The following ZNF469 variants were observed in gnomAD, a reference collection of about 807,000 sequenced individuals.
ZNF469 encodes zinc finger protein 469.
A neutral mutation model predicts 1.0 loss-of-function variants in ZNF469; 1 was observed. The ratio of observed to expected loss-of-function variants is 1.00; its 90% CI spans 0.35 to 4.73. ZNF469 has a LOEUF of 4.73. Among genes scored for constraint, ZNF469 ranks in the 30% most tolerant of loss-of-function variants. The pLI is 0.16. For missense variants in ZNF469, 6,100 were observed against 5,356.3 expected (o/e 1.14, Z -4.33); for synonymous variants, 2,703 against 2,363.4 (o/e 1.14, Z -4.17).
At chr16:88,202,883 G>A in the ZNF469 span, among the ~76,000 whole-genome samples, 4 of 152,272 alleles carry the variant, frequency 2.6e-5, no homozygotes, top group South Asian at 2.1e-4. Flanking sequence ...TGAGGGCCTC[G>A]TGGTGGCCTT....
the ZNF469 span, among the ~76,000 whole-genome samples, chr16:88,345,229 C>A: frequency 1.3e-4 from 20 of 152,208 alleles, no homozygotes; most frequent in African/African-American, 4.8e-4. Context: ...AAAAGGAGAC[C>A]CTGGCATGGC....
chr16:88,157,863 G>C, the ZNF469 span, among the ~76,000 whole-genome samples: 11 of 152,092 alleles, frequency 7.2e-5, no homozygotes, highest in Admixed American at 2.6e-4. Context: ...CTGGCACCTG[G>C]TGAGGATGCC....
At chr16:88,251,514 G>C in the ZNF469 span, among the ~76,000 whole-genome samples, 2 of 136,496 alleles carry the variant, frequency 1.5e-5, no homozygotes, top group Admixed American at 1.5e-4. Flanking sequence ...CATCTCTGTG[G>C]TAAGCAGCTA....
At chr16:88,425,703 C>T (rs1905670177) in intron 2 of ZNF469, among the ~76,000 whole-genome samples, 1 of 152,232 alleles carries the variant, frequency 6.6e-6, no homozygotes, top group Admixed American at 6.5e-5. Flanking sequence ...ACAAACCTCA[C>T]CTGTGAATCC....
the ZNF469 span, among the ~76,000 whole-genome samples, chr16:88,252,144 C>T: frequency 2.9e-5 from 4 of 136,106 alleles, no homozygotes; most frequent in African/African-American, 7.9e-5. Context: ...GGCAGCAGCA[C>T]ACAGACCTTG....
chr16:88,243,911 CATATATATATATAT>C, the ZNF469 span, among the ~76,000 whole-genome samples: 1,369 of 26,266 alleles, frequency 0.052, 70 homozygotes, highest in African/African-American at 0.1. Flanking sequence ...TGGCTGGATG[CATATATATATATAT>C]ATATATATAT....
the ZNF469 span, among the ~76,000 whole-genome samples, chr16:88,222,797 C>T: frequency 1.3e-5 from 2 of 151,942 alleles, no homozygotes; most frequent in Admixed American, 1.3e-4. Context: ...CATGCTCTTG[C>T]TATATTGCCC....
At chr16:88,216,745 T>G in the ZNF469 span, among the ~76,000 whole-genome samples, 1 of 152,250 alleles carries the variant, frequency 6.6e-6, no homozygotes, top group African/African-American at 2.4e-5. Flanking sequence ...ACCTTACCTC[T>G]TCTCCAGAGA....
At chr16:88,422,281 A>ATGGATGG (rs1567506436) in intron 1 of ZNF469, among the ~76,000 whole-genome samples, 2 of 121,790 alleles carry the variant, frequency 1.6e-5, no homozygotes, top group African/African-American at 6.7e-5. Flanking sequence ...ATAGGTGGGT[A>ATGGATGG]ATGGATGGAT....
chr16:88,225,871 G>A, the ZNF469 span, among the ~76,000 whole-genome samples: 1 of 152,176 alleles, frequency 6.6e-6, no homozygotes, highest in Non-Finnish European at 1.5e-5. Flanking sequence ...CTTAGTCTCG[G>A]GTGTTTTGTT....
the ZNF469 span, among the ~76,000 whole-genome samples, chr16:88,139,694 C>A: frequency 1.3e-5 from 2 of 151,648 alleles, no homozygotes; most frequent in African/African-American, 4.9e-5. Flanking sequence ...GGATCTGAAA[C>A]CTTTTTGTCC....
intron 1 of ZNF469, among the ~76,000 whole-genome samples, chr16:88,399,606 G>A (rs892672101): frequency 1.5e-4 from 23 of 152,198 alleles, no homozygotes; most frequent in African/African-American, 5.5e-4. Flanking sequence ...AGTATCTGTG[G>A]TGCCTCCCAG....
the ZNF469 span, among the ~76,000 whole-genome samples, chr16:88,104,521 A>T: frequency 6.6e-6 from 1 of 151,842 alleles, no homozygotes; most frequent in Non-Finnish European, 1.5e-5. Flanking sequence ...CGCCAGCCAC[A>T]CTCTGCTTCA....
At chr16:88,229,829 T>C in the ZNF469 span, among the ~76,000 whole-genome samples, 1 of 152,136 alleles carries the variant, frequency 6.6e-6, no homozygotes, top group Admixed American at 6.5e-5. Flanking sequence ...CCCGCTGTGG[T>C]CCAGGAGCCC....
At chr16:88,279,372 A>G in the ZNF469 span, among the ~76,000 whole-genome samples, 547 of 140,470 alleles carry the variant, frequency 3.9e-3, 6 homozygotes, top group South Asian at 5.9e-3. Flanking sequence ...GCTGACGCTC[A>G]GTCAGTACCT....
chr16:88,357,636 C>T, the ZNF469 span, among the ~76,000 whole-genome samples: 3 of 152,140 alleles, frequency 2.0e-5, no homozygotes, highest in Admixed American at 1.3e-4. Flanking sequence ...AGGGGGGGCC[C>T]GGGCTTGGTT....
chr16:88,433,030 G>A lies in ZNF469; in HGVS notation c.5560G>A (p.Gly1854Ser), dbSNP rs770241774. The A allele has an allele frequency of 4.5e-6, 7 of 1,550,320 alleles. No individual in the cohort carries two copies. In the South Asian group the frequency reaches 7.1e-5, roughly 16 times the overall value. ...CACGGCAGGGAGGCCTGGCTTTGAG[G>A]GTAATGAGTTTGCACCGGCGGGGGC... ...HPTAGRPGFEGNEFAPAGASS... is the reference protein window; with the variant it reads ...HPTAGRPGFESNEFAPAGASS... Residue 1854 changes from glycine to serine, a missense_variant, in exon 3 of 3, where the codon GGT becomes AGT. By Grantham distance (56) the Gly-to-Ser change is moderately conservative. Transcript: ENST00000565624.
chr16:88,120,853 C>T, the ZNF469 span, among the ~76,000 whole-genome samples: 5 of 152,160 alleles, frequency 3.3e-5, no homozygotes, highest in East Asian at 5.8e-4. Flanking sequence ...GTGTGAGCCC[C>T]GGCTGGCTGC....
the ZNF469 span, among the ~76,000 whole-genome samples, chr16:88,357,048 G>A: frequency 4.6e-5 from 7 of 152,376 alleles, no homozygotes; most frequent in East Asian, 3.9e-4. Context: ...CCCCGGTTAC[G>A]GGTCCCCTCC....
Sources: allele counts gnomAD v4.1 joint callset (sites outside exome capture counted in the v4.1 genomes callset), GRCh38; gene constraint gnomAD v4.1.1; transcripts MANE v1.5; gene names NCBI Gene and HGNC (gene_info 2026-07-23, HGNC 2026-07-21).